Variants in EZR observed in about 807,000 individuals in gnomAD.
EZR encodes ezrin.
In EZR, 40 loss-of-function variants were observed where a neutral mutation model predicts 74.8. That is an observed-to-expected ratio of 0.53 (90% confidence interval 0.42 to 0.70). The LOEUF is 0.70. EZR is among the 30% of genes least tolerant of loss of function. EZR has a pLI of 0.00. For synonymous variants in EZR, 341 were observed against 283.3 expected (o/e 1.20, Z -2.05); for missense variants, 678 against 755.8 (o/e 0.90, Z 1.21).
At chr6:158,804,541 C>T (rs115928413) in intron 2 of EZR, among the ~76,000 whole-genome samples, 2,445 of 152,290 alleles carry the variant, frequency 0.016, 54 homozygotes, top group African/African-American at 0.056. Context: ...TACACAGAAA[C>T]TTAAGTTTAG....
At position 158,807,323 on chromosome 6, in the gene EZR, A is replaced by G. The variant is rs57601046; in HGVS notation, c.12+10759T>C. ...GACAGAGACTCCGTCTCAAAAAAAA[A>G]AAAAAAAAACAAACAAAAAAGACAA... On this transcript the variant is annotated intron_variant, in intron 2 of 13. Transcript: ENST00000367075. Among the ~76,000 whole-genome samples the G allele has an allele frequency of 6.2e-5, 8 of 128,194 alleles. No homozygotes were observed. The South Asian group carries it at 1.1e-3, about 18-fold the overall frequency. The allele number at this position is 128,194 out of a possible 152,430, so 84.1% of individuals were successfully genotyped here. A position where few individuals can be genotyped will look rare whatever the true frequency, so the allele number is the denominator to read the frequency against.
At chr6:158,783,373 G>A (rs1791482206) in intron 7 of EZR, 147 bp downstream of exon 7, 2 of 266,510 alleles carry the variant, frequency 7.5e-6, no homozygotes, top group African/African-American at 7.7e-5. Context: ...GGCCACAGCA[G>A]TCCAAAAGCC....
intron 2 of EZR, among the ~76,000 whole-genome samples, chr6:158,814,632 C>T (rs1303527722): frequency 6.6e-6 from 1 of 151,708 alleles, no homozygotes; most frequent in African/African-American, 2.4e-5. Flanking sequence ...CAACCTTCAC[C>T]TCCCAGGTTC....
chr6:158,771,302 C>A lies in EZR; in HGVS notation c.901G>T (p.Glu301Ter). 6.2e-7 allele frequency: 1 copy of A among 1,614,182 alleles called. No individual in the cohort carries two copies. Among genetic ancestry groups the A allele is most frequent in the Non-Finnish European group, 8.5e-7 (1 of 1,180,018 alleles). ...GCCTGGGCCTTCATCTGCTGCACCT[C>A]GATGGTGTCAGGCTTCCTGCGGCGC... is the stretch of plus-strand genomic sequence containing the variant. ...YMRRRKPDTI[E>*]VQQMKAQARE... The change falls in exon 9 of 14, where the codon GAG (glutamate) becomes TAG (stop). Residue 301 changes from glutamate (E) to a stop codon, truncating the protein, a stop_gained. Coordinates refer to ENST00000367075, the MANE Select transcript of EZR (RefSeq NM_001111077.2). LOFTEE classifies it high-confidence loss of function.
At chr6:158,790,492 T>C (rs773801072) in intron 2 of EZR, among the ~76,000 whole-genome samples, 2 of 152,238 alleles carry the variant, frequency 1.3e-5, no homozygotes, top group South Asian at 2.1e-4. Context: ...CTGGCTAACA[T>C]GGTGAAGCCC....
At chr6:158,813,389 A>C (rs1213584434) in intron 2 of EZR, among the ~76,000 whole-genome samples, 1 of 152,228 alleles carries the variant, frequency 6.6e-6, no homozygotes, top group Non-Finnish European at 1.5e-5. Flanking sequence ...CTGTCCCCGA[A>C]ACCAGACTGT....
chr6:158,817,259 G>GT (rs1464618203), intron 2 of EZR, among the ~76,000 whole-genome samples: 1 of 152,134 alleles, frequency 6.6e-6, no homozygotes, highest in Non-Finnish European at 1.5e-5. Context: ...CTAGTCACCA[G>GT]TTCCCCAGTG....
chr6:158,817,945 C>T, intron 2 of EZR, 137 bp downstream of exon 2: 1 of 736,870 alleles, frequency 1.4e-6, no homozygotes, highest in Middle Eastern at 2.7e-4. Flanking sequence ...GCGGCGAAAA[C>T]CTCCTCCTAT....
chr6:158,794,828 G>A (rs1181632406), intron 2 of EZR, among the ~76,000 whole-genome samples: 1 of 152,094 alleles, frequency 6.6e-6, no homozygotes, highest in Non-Finnish European at 1.5e-5. Flanking sequence ...GGTGTTGGTG[G>A]TGATTTAAGT....
chr6:158,811,966 TACC>T (rs1777459444), intron 2 of EZR, among the ~76,000 whole-genome samples: 2 of 152,168 alleles, frequency 1.3e-5, no homozygotes, highest in Middle Eastern at 6.8e-3. Flanking sequence ...CTTACTTCCC[TACC>T]ATTTATAGGG....
Position 158,818,653 on chromosome 6 carries a change from GGA to G in EZR, c.-73-489_-73-488del, listed in dbSNP as rs1408810862. Among the ~76,000 whole-genome samples, 609 of 151,126 alleles carry G rather than the reference GGA, an allele frequency of 4.0e-3. 1 individual carries two copies. The highest frequency in any genetic ancestry group is 6.3e-3 in the Non-Finnish European group (424 of 67,608). On this transcript the variant is annotated intron_variant, in intron 1 of 13. Transcript: ENST00000367075. ...GGGGGACACTCGAGGTGCACCCAGC[GGA>G]GAGAGGCGGAGAAGAGGGGGCGCGG...
chr6:158,808,575 G>A (rs895425752), intron 2 of EZR, among the ~76,000 whole-genome samples: 3 of 152,162 alleles, frequency 2.0e-5, no homozygotes. Context: ...AGGTACAAGT[G>A]GAACCGCACA....
intron 2 of EZR, among the ~76,000 whole-genome samples, chr6:158,790,856 T>C (rs1365177593): frequency 6.6e-6 from 1 of 152,244 alleles, no homozygotes; most frequent in Non-Finnish European, 1.5e-5. Flanking sequence ...GCAACTATAA[T>C]GCTTAATATT....
rs565611780 is a variant in EZR at position 158,774,600 on chromosome 6, G to A, written c.795+1808C>T. Among the ~76,000 whole-genome samples the A allele has an allele frequency of 2.7e-5, 4 of 150,458 alleles. No individual in the cohort carries two copies. In the East Asian group the frequency reaches 5.9e-4, roughly 22 times the overall value. On this transcript the variant is annotated intron_variant, in intron 8 of 13. Coordinates refer to ENST00000367075, the MANE Select transcript of EZR (RefSeq NM_001111077.2). ...TAATAAAGGCACATGCACGAGATGCGTTACAATGGCTTCTGCTTGGGGCTT... is the reference window on the plus strand; with the variant it reads ...TAATAAAGGCACATGCACGAGATGCATTACAATGGCTTCTGCTTGGGGCTT...
chr6:158,772,149 A>C (rs1791130904), intron 8 of EZR, among the ~76,000 whole-genome samples: 1 of 151,930 alleles, frequency 6.6e-6, no homozygotes, highest in African/African-American at 2.4e-5. Context: ...CTGTCACTTC[A>C]CTCCAGTGAC....
At chr6:158,803,667 A>AT (rs1194039804) in intron 2 of EZR, among the ~76,000 whole-genome samples, 5 of 120,606 alleles carry the variant, frequency 4.1e-5, no homozygotes, top group Non-Finnish European at 7.1e-5. Context: ...ATATATATAT[A>AT]AAATATACAG....
chr6:158,774,672 A>AACACACACACACACACACACAC (rs56400693), intron 8 of EZR, among the ~76,000 whole-genome samples: 2 of 142,516 alleles, frequency 1.4e-5, no homozygotes, highest in East Asian at 2.2e-4. Flanking sequence ...CTTATCATCA[A>AACACACACACACACACACACAC]ACACACACAC....
intron 2 of EZR, among the ~76,000 whole-genome samples, chr6:158,809,118 ATCC>A (rs372002267): frequency 1.9e-4 from 29 of 152,376 alleles, no homozygotes; most frequent in African/African-American, 7.0e-4. Flanking sequence ...AACAACACCT[ATCC>A]TCTTGCTTTG....
In EZR at chr6:158,771,351, G is replaced by T; in HGVS notation, c.852C>A (p.Cys284Ter). The T allele has an allele frequency of 6.2e-7, 1 of 1,614,066 alleles. No individual in the cohort carries two copies. Among genetic ancestry groups the T allele is most frequent in the South Asian group, 1.1e-5 (1 of 91,082 alleles). ...LRINKRILQL[C>*]MGNHELYMRR... ...GCATATACAACTCATGGTTGCCCAT[G>T]CAGAGCTGCAGGATCCGCTTGTTGA... Residue 284 changes from cysteine to a stop codon, truncating the protein, a stop_gained, in exon 9 of 14, where the codon TGC becomes TGA. Transcript: ENST00000367075. LOFTEE classifies it high-confidence loss of function.
Sources: allele counts gnomAD v4.1 joint callset (sites outside exome capture counted in the v4.1 genomes callset), GRCh38; gene constraint gnomAD v4.1.1; transcripts MANE v1.5; gene names NCBI Gene and HGNC (gene_info 2026-07-23, HGNC 2026-07-21).